Variants in FAM83B observed in about 807,000 individuals in gnomAD.
The protein encoded by FAM83B is scaffolding CK1 anchoring protein B.
FAM83B carries 26 observed loss-of-function variants against 38.8 expected under a neutral mutation model. The ratio of observed to expected loss-of-function variants is 0.67; its 90% CI spans 0.49 to 0.93. The LOEUF is 0.93. Ranked by LOEUF, FAM83B falls within the 40% of genes least tolerant of loss-of-function variation. The pLI is 0.00. For missense variants in FAM83B, 1,237 were observed against 1,197.3 expected, an observed-to-expected ratio of 1.03 and a Z score of -0.49; for synonymous variants, 419 against 423.1, an observed-to-expected ratio of 0.99 and a Z score of 0.12.
At chr6:54,853,916 A>G (rs1771376451) in intron 1 of FAM83B, among the ~76,000 whole-genome samples, 1 of 152,240 alleles carries the variant, frequency 6.6e-6, no homozygotes, top group South Asian at 2.1e-4. Flanking sequence ...GCCATTAAGA[A>G]CATTTGTGAT....
At chr6:54,931,754 A>G (rs1773423562) in intron 4 of FAM83B, among the ~76,000 whole-genome samples, 1 of 152,024 alleles carries the variant, frequency 6.6e-6, no homozygotes, top group African/African-American at 2.4e-5. Flanking sequence ...TAATCCATTC[A>G]GTCAATTAAA....
At chr6:54,877,099 C>T (rs1373960070) in intron 2 of FAM83B, among the ~76,000 whole-genome samples, 2 of 152,168 alleles carry the variant, frequency 1.3e-5, no homozygotes, top group African/African-American at 4.8e-5. Context: ...TTTACACACT[C>T]AGATGCCTTC....
Position 54,860,043 on chromosome 6 carries a change from T to TTGTG in FAM83B, c.-60-10120_-60-10117dup, listed in dbSNP as rs61235878. Among the ~76,000 whole-genome samples, 590 of 150,600 alleles carry TTGTG rather than the reference T, an allele frequency of 3.9e-3. 6 individuals carry two copies. Among genetic ancestry groups the TTGTG allele is most frequent in the African/African-American group, 0.014 (554 of 41,032 alleles). ...CACTACTCAAAGAAAACCACCCTCA[T>TTGTG]TGTGTGTGTGTGTGTGTGTGTGTGT... On this transcript the variant is annotated intron_variant, in intron 1 of 4. Coordinates refer to ENST00000306858, the MANE Select transcript of FAM83B (RefSeq NM_001010872.3).
intron 2 of FAM83B, among the ~76,000 whole-genome samples, chr6:54,908,343 AATAG>A (rs1448547808): frequency 6.6e-6 from 1 of 152,016 alleles, no homozygotes; most frequent in East Asian, 1.9e-4. Flanking sequence ...TCTAACTTTT[AATAG>A]ATAGGGTTCT....
At chr6:54,892,802 C>T (rs1561916477) in intron 2 of FAM83B, among the ~76,000 whole-genome samples, 1 of 152,022 alleles carries the variant, frequency 6.6e-6, no homozygotes, top group Non-Finnish European at 1.5e-5. Context: ...AATCCTCCCT[C>T]CAAAAGGTGG....
At chr6:54,860,660 C>T (rs1035475385) in intron 1 of FAM83B, among the ~76,000 whole-genome samples, 4 of 152,042 alleles carry the variant, frequency 2.6e-5, no homozygotes, top group African/African-American at 7.2e-5. Context: ...TCAACCAAGG[C>T]GTGAATCAAT....
chr6:54,846,762 C>T (rs1277700503), upstream of FAM83B: 1 of 152,298 alleles, frequency 6.6e-6, no homozygotes, highest in Non-Finnish European at 1.5e-5. Flanking sequence ...TTGCTGCTTC[C>T]TGGGAGGCAA....
At chr6:54,924,792 A>G (rs1352880552) in intron 2 of FAM83B, among the ~76,000 whole-genome samples, 2 of 152,026 alleles carry the variant, frequency 1.3e-5, no homozygotes, top group Non-Finnish European at 2.9e-5. Context: ...CATCCCTGAC[A>G]CTACCATCTT....
At chr6:54,872,526 AG>A (rs1434538343) in intron 2 of FAM83B, among the ~76,000 whole-genome samples, 15 of 152,224 alleles carry the variant, frequency 9.9e-5, no homozygotes, top group African/African-American at 3.4e-4. Flanking sequence ...GTAGTAACTT[AG>A]TAATGCATTT....
chr6:54,898,773 A>G (rs1474472686), intron 2 of FAM83B, among the ~76,000 whole-genome samples: 1 of 152,034 alleles, frequency 6.6e-6, no homozygotes, highest in Non-Finnish European at 1.5e-5. Flanking sequence ...GCATATATCA[A>G]ATTGGTTCTA....
At chr6:54,847,459 T>G (rs1235148503) in intron 1 of FAM83B, among the ~76,000 whole-genome samples, 1 of 152,066 alleles carries the variant, frequency 6.6e-6, no homozygotes, top group Non-Finnish European at 1.5e-5. Context: ...TCGGCCTGAG[T>G]CTGGGTCTGT....
intron 4 of FAM83B, among the ~76,000 whole-genome samples, chr6:54,934,134 C>G (rs17678413): frequency 6.6e-6 from 1 of 152,084 alleles, no homozygotes; most frequent in Non-Finnish European, 1.5e-5. Context: ...TTGTAACTTT[C>G]TAATCTGCCA....
chr6:54,879,519 T>C (rs1483213414), intron 2 of FAM83B, among the ~76,000 whole-genome samples: 1 of 152,168 alleles, frequency 6.6e-6, no homozygotes, highest in African/African-American at 2.4e-5. Context: ...TCCCTTTTTT[T>C]AACAGGCCAT....
At position 54,926,395 on chromosome 6, in the gene FAM83B, T is replaced by C; in HGVS notation, c.469T>C (p.Phe157Leu). 1 of 1,605,790 alleles carries C rather than the reference T, an allele frequency of 6.2e-7. No homozygotes were observed. Among genetic ancestry groups the C allele is most frequent in the Non-Finnish European group, 8.5e-7 (1 of 1,174,738 alleles). Reference sequence around the variant, plus strand: ...GGTCATTGCTTTAGTGATGGATATATTTACAGATGTGGACATTTTCAAAGA... The same window carrying C: ...GGTCATTGCTTTAGTGATGGATATACTTACAGATGTGGACATTTTCAAAGA... ...RKVIALVMDI[F>L]TDVDIFKEIV... The change falls in exon 3 of 5, where the codon TTT becomes CTT. Residue 157 changes from phenylalanine to leucine, a missense_variant. By Grantham distance (22) the Phe-to-Leu change is conservative. Transcript: ENST00000306858.
chr6:54,891,812 T>A (rs1458555501), intron 2 of FAM83B, among the ~76,000 whole-genome samples: 2 of 152,078 alleles, frequency 1.3e-5, no homozygotes, highest in African/African-American at 4.8e-5. Context: ...CACTGGGTTT[T>A]GTTTCTTTTT....
intron 2 of FAM83B, among the ~76,000 whole-genome samples, chr6:54,879,947 A>C (rs140149450): frequency 8.5e-4 from 129 of 152,328 alleles, no homozygotes; most frequent in African/African-American, 3.0e-3. Context: ...TAGAATGTAA[A>C]TGTAACTACT....
At chr6:54,939,603 G>GA in intron 4 of FAM83B, 103 bp from the exon 5 acceptor site, 1 of 1,086,632 alleles carries the variant, frequency 9.2e-7, no homozygotes, top group Non-Finnish European at 1.3e-6. Flanking sequence ...GATAGCCAAA[G>GA]AAAAGTACAA....
At chr6:54,898,973 A>G (rs1276964720) in intron 2 of FAM83B, among the ~76,000 whole-genome samples, 1 of 152,096 alleles carries the variant, frequency 6.6e-6, no homozygotes, top group Non-Finnish European at 1.5e-5. Flanking sequence ...ATTGCCTTCC[A>G]TGCTGCTATG....
intron 2 of FAM83B, among the ~76,000 whole-genome samples, chr6:54,873,932 A>G (rs916581535): frequency 6.6e-6 from 1 of 152,048 alleles, no homozygotes; most frequent in African/African-American, 2.4e-5. Context: ...AATAATATAA[A>G]AGTTATCTGC....
Sources: allele counts gnomAD v4.1 joint callset (sites outside exome capture counted in the v4.1 genomes callset), GRCh38; gene constraint gnomAD v4.1.1; transcripts MANE v1.5; gene names NCBI Gene and HGNC (gene_info 2026-07-23, HGNC 2026-07-21).